The following TXLNB variants were observed in gnomAD, a reference collection of about 807,000 sequenced individuals.
The protein encoded by TXLNB is beta-taxilin.
A neutral mutation model predicts 57.4 loss-of-function variants in TXLNB; 37 were observed. That is an observed-to-expected ratio of 0.64 (90% CI 0.50 to 0.85). TXLNB has a LOEUF of 0.85. Among genes scored for constraint, TXLNB ranks in the 40% least tolerant of loss-of-function variants. The pLI, the probability that TXLNB is intolerant of heterozygous loss-of-function variation, is 0.00. For synonymous variants in TXLNB, 302 were observed against 309.6 expected (o/e 0.98, Z 0.26); for missense variants, 848 against 825.6 (o/e 1.03, Z -0.33).
intron 8 of TXLNB, among the ~76,000 whole-genome samples, chr6:139,247,089 G>A (rs1776083420): frequency 6.6e-6 from 1 of 152,026 alleles, no homozygotes; most frequent in South Asian, 2.1e-4. Flanking sequence ...TTATAAGATG[G>A]TATTTCCTAT....
chr6:139,242,192 T>C lies in TXLNB; in HGVS notation c.*334A>G, dbSNP rs1200877392. 1.6e-5 allele frequency: 3 copies of C among 187,054 alleles called. No individual in the cohort carries two copies. The highest frequency in any genetic ancestry group is 1.2e-4 in the Admixed American group (2 of 16,262). 11.6% of individuals were successfully genotyped at this position (187,054 alleles called of 1,614,324 possible). Reference sequence around the variant, plus strand: ...CATTTTCAGTATTTATATATTGCAGTGGAAGTCTTTAAACATCAAATCTTA... The same window carrying C: ...CATTTTCAGTATTTATATATTGCAGCGGAAGTCTTTAAACATCAAATCTTA... On this transcript the variant is annotated 3_prime_UTR_variant, in exon 10 of 10. Transcript: ENST00000358430.
chr6:139,179,357 A>G, the TXLNB span: 2 of 152,314 alleles, frequency 1.3e-5, no homozygotes, highest in South Asian at 2.1e-4. Flanking sequence ...CAATTGACCT[A>G]TACATTGCAT....
At chr6:139,175,744 G>C in the TXLNB span, among the ~76,000 whole-genome samples, 1 of 152,104 alleles carries the variant, frequency 6.6e-6, no homozygotes, top group Non-Finnish European at 1.5e-5. Context: ...CTGTTCTGGT[G>C]TTCTTTCTGG....
At chr6:139,213,417 C>T in the TXLNB span, among the ~76,000 whole-genome samples, 1 of 152,162 alleles carries the variant, frequency 6.6e-6, no homozygotes, top group African/African-American at 2.4e-5. Flanking sequence ...TAAAGATGTT[C>T]TTTGAAACCA....
chr6:139,203,567 T>TC, the TXLNB span: 1 of 152,256 alleles, frequency 6.6e-6, no homozygotes, highest in African/African-American at 2.4e-5. Flanking sequence ...TGGCTTTTTT[T>TC]CCCCTACCTC....
intron 6 of TXLNB, among the ~76,000 whole-genome samples, chr6:139,258,419 C>G (rs753925257): frequency 6.6e-6 from 1 of 152,108 alleles, no homozygotes; most frequent in Non-Finnish European, 1.5e-5. Context: ...TTTCTATTCT[C>G]TTGGATTGTG....
At chr6:139,247,949 CA>C in intron 7 of TXLNB, 40 bp from the exon 8 acceptor site, 1 of 1,164,074 alleles carries the variant, frequency 8.6e-7, no homozygotes, top group South Asian at 1.4e-5. Flanking sequence ...AGAATACTTC[CA>C]GAAGAAAACA....
chr6:139,165,614 A>G, the TXLNB span, among the ~76,000 whole-genome samples: 1 of 145,732 alleles, frequency 6.9e-6, no homozygotes, highest in African/African-American at 2.6e-5. Context: ...TGACTCTATC[A>G]TGTCTTTTTG....
intron 2 of TXLNB, among the ~76,000 whole-genome samples, chr6:139,280,415 T>C (rs1777018240): frequency 6.6e-6 from 1 of 152,182 alleles, no homozygotes; most frequent in African/African-American, 2.4e-5. Flanking sequence ...GCAGATTTAA[T>C]GTGTTCAAAT....
In TXLNB at chr6:139,241,973, T is replaced by C. The variant is rs569187574; in HGVS notation, c.*553A>G. On this transcript the variant is annotated 3_prime_UTR_variant, in exon 10 of 10. Transcript: ENST00000358430. ...GAGAAATGTATGTGTAATAATGCAT[T>C]TATATATACATATAGATACGTGCAT... 6.6e-6 allele frequency: 1 copy of C among 152,278 alleles called. No homozygotes were observed. The highest frequency in any genetic ancestry group is 1.9e-4 in the East Asian group (1 of 5,186). The allele number at this position is 152,278 out of a possible 1,614,324, so 9.4% of individuals were successfully genotyped here.
rs185811461 is a variant in TXLNB, at chr6:139,243,041, C to T, written c.1540G>A (p.Glu514Lys). 261 of 1,614,160 alleles carry T rather than the reference C, an allele frequency of 1.6e-4. 2 individuals are homozygous for T. In the East Asian group the frequency reaches 5.7e-3, roughly 35 times the overall value. The change falls in exon 10 of 10, where the codon GAG becomes AAG. Residue 514 changes from glutamate to lysine, a missense_variant. Physicochemically the swap from Glu to Lys is moderately conservative, Grantham distance 56. Transcript: ENST00000358430. ...TCTTTGGACTGGTGCGGGGTTGACT[C>T]TGGATGATGAATTATCATGAAGGCT... ...ATAFMIIHHPESTPHQSKETQ... is the reference protein window; with the variant it reads ...ATAFMIIHHPKSTPHQSKETQ...
At chr6:139,300,183 T>C in the TXLNB span, among the ~76,000 whole-genome samples, 1 of 152,198 alleles carries the variant, frequency 6.6e-6, no homozygotes, top group Non-Finnish European at 1.5e-5. Context: ...CATTTTGATG[T>C]GTTAGAAAAC....
At chr6:139,206,842 T>C in the TXLNB span, among the ~76,000 whole-genome samples, 1 of 152,188 alleles carries the variant, frequency 6.6e-6, no homozygotes, top group Non-Finnish European at 1.5e-5. Context: ...CGAGCAGCAG[T>C]AGTTATTCTT....
upstream of TXLNB, among the ~76,000 whole-genome samples, chr6:139,296,104 C>T (rs1468703463): frequency 1.3e-5 from 2 of 152,178 alleles, no homozygotes; most frequent in African/African-American, 2.4e-5. Flanking sequence ...GGCACTTCCC[C>T]TGCTGTCGTT....
At chr6:139,312,941 C>T in the TXLNB span, among the ~76,000 whole-genome samples, 12 of 152,164 alleles carry the variant, frequency 7.9e-5, no homozygotes, top group African/African-American at 2.7e-4. Context: ...ACTTGCCTCT[C>T]GCACACTATT....
At chr6:139,243,995 C>T (rs551255377) in intron 9 of TXLNB, among the ~76,000 whole-genome samples, 28 of 127,524 alleles carry the variant, frequency 2.2e-4, no homozygotes, top group South Asian at 8.9e-4. Context: ...GACCTTTTTT[C>T]CCCCACTCGT....
intron 3 of TXLNB, among the ~76,000 whole-genome samples, chr6:139,276,575 T>C (rs1366665936): frequency 6.6e-6 from 1 of 152,216 alleles, no homozygotes; most frequent in East Asian, 1.9e-4. Context: ...ATGGATCAGA[T>C]AGAGATTCTG....
At chr6:139,174,613 C>T in the TXLNB span, 47 of 1,537,590 alleles carry the variant, frequency 3.1e-5, no homozygotes, top group Middle Eastern at 1.8e-4. Flanking sequence ...AGGGAAGATG[C>T]GTCTGGCAAT....
chr6:139,196,218 G>A, the TXLNB span, among the ~76,000 whole-genome samples: 1 of 151,954 alleles, frequency 6.6e-6, no homozygotes, highest in Non-Finnish European at 1.5e-5. Context: ...CATATTTGAA[G>A]CAAAATTTCC....
Sources: allele counts gnomAD v4.1 joint callset (sites outside exome capture counted in the v4.1 genomes callset), GRCh38; gene constraint gnomAD v4.1.1; transcripts MANE v1.5; gene names NCBI Gene and HGNC (gene_info 2026-07-23, HGNC 2026-07-21).